The following EXD3 variants were observed in gnomAD, a reference collection of about 807,000 sequenced individuals.
EXD3 encodes exonuclease 3'-5' domain containing 3.
A neutral mutation model predicts 98.0 loss-of-function variants in EXD3; 92 were observed. That is an observed-to-expected ratio of 0.94 (90% confidence interval 0.79 to 1.12). EXD3 has a LOEUF of 1.12. EXD3 is among the 50% of genes most tolerant of loss of function. The pLI is 0.00. For synonymous variants in EXD3, 569 were observed against 526.0 expected, an observed-to-expected ratio of 1.08 and a Z score of -1.12; for missense variants, 1,222 against 1,191.6, an observed-to-expected ratio of 1.03 and a Z score of -0.38.
At chr9:137,352,529 T>G in intron 11 of EXD3, 91 bp downstream of exon 11, 1 of 1,252,204 alleles carries the variant, frequency 8.0e-7, no homozygotes, top group Non-Finnish European at 1.1e-6. Context: ...CTCAAGCCAC[T>G]GGCGTGAAGA....
intron 1 of EXD3, among the ~76,000 whole-genome samples, chr9:137,399,132 TG>T (rs572051023): frequency 3.3e-5 from 5 of 152,256 alleles, no homozygotes; most frequent in African/African-American, 4.8e-5. Context: ...TGCGTGGCTG[TG>T]GGGCAGGGGT....
intron 17 of EXD3, among the ~76,000 whole-genome samples, chr9:137,330,403 G>A (rs1165065476): frequency 1.1e-5 from 1 of 91,620 alleles, no homozygotes; most frequent in African/African-American, 4.0e-5. Flanking sequence ...AGCTACACAG[G>A]GCTCCACAGG....
chr9:137,330,453 GGAGCTACACA>G, intron 17 of EXD3, among the ~76,000 whole-genome samples: 2 of 144,732 alleles, frequency 1.4e-5, no homozygotes, highest in African/African-American at 5.3e-5. Context: ...GGACTACACA[GGAGCTACACA>G]GGACTACAAA....
Position 137,395,442 on chromosome 9 carries a change from T to C in EXD3, c.-47-38A>G. The C allele has an allele frequency of 6.3e-7, 1 of 1,592,718 alleles. No individual in the cohort carries two copies. Among genetic ancestry groups the C allele is most frequent in the Non-Finnish European group, 8.6e-7 (1 of 1,164,450 alleles). On this transcript the variant is annotated intron_variant, in intron 1 of 21. Transcript: ENST00000340951. This position sits in a 1 kb window ranked among gnomAD's most constrained non-coding sequence, Gnocchi z 6.5. Reference sequence around the variant, plus strand: ...ACAATCAGGTGAATGCAGAGCCCACTGCAACAGGCAGCCATGCAGAGCCCA... The same window carrying C: ...ACAATCAGGTGAATGCAGAGCCCACCGCAACAGGCAGCCATGCAGAGCCCA...
At chr9:137,313,176 TG>T (rs1375605480) in intron 19 of EXD3, among the ~76,000 whole-genome samples, 5 of 152,108 alleles carry the variant, frequency 3.3e-5, no homozygotes, top group Non-Finnish European at 5.9e-5. Context: ...ACACGAGCCC[TG>T]GGACCTGCCA....
intron 17 of EXD3, among the ~76,000 whole-genome samples, chr9:137,344,170 T>C (rs528973483): frequency 3.5e-4 from 54 of 152,134 alleles, no homozygotes; most frequent in South Asian, 1.0e-3. Flanking sequence ...GGATTACAGG[T>C]GTGAGCCACT....
At position 137,353,143 on chromosome 9, in the gene EXD3, CCCT is replaced by C. The variant is rs1230497735; in HGVS notation, c.871-360_871-358del. 19 of 984,582 alleles carry C rather than the reference CCCT, an allele frequency of 1.9e-5. No individual in the cohort carries two copies. In the African/African-American group the frequency reaches 3.3e-4, roughly 17 times the overall value. 61.0% of individuals were successfully genotyped at this position (984,582 alleles called of 1,614,324 possible). A position where few individuals can be genotyped will look rare whatever the true frequency, so the allele number is the denominator to read the frequency against. ...TTCCCGGCCTCCAAGCCTCCACCGGCCCTCCTGGCCTCCAAGCCTCTGCTGACC... is the reference window on the plus strand; with the variant it reads ...TTCCCGGCCTCCAAGCCTCCACCGGCCCTGGCCTCCAAGCCTCTGCTGACC... On this transcript the variant is annotated intron_variant, in intron 10 of 21. Coordinates refer to ENST00000340951, the MANE Select transcript of EXD3 (RefSeq NM_017820.5).
chr9:137,330,349 G>C lies in EXD3; in HGVS notation c.1999-6206C>G, dbSNP rs958607797. Among the ~76,000 whole-genome samples, 12 of 144,712 alleles carry C rather than the reference G, an allele frequency of 8.3e-5. No homozygotes were observed. The South Asian group carries it at 2.8e-3, about 33-fold the overall frequency. 94.9% of individuals were successfully genotyped at this position (144,712 alleles called of 152,430 possible). A position where few individuals can be genotyped will look rare whatever the true frequency, so the allele number is the denominator to read the frequency against. On this transcript the variant is annotated intron_variant, in intron 17 of 21. Coordinates refer to ENST00000340951, the MANE Select transcript of EXD3 (RefSeq NM_017820.5). ...ACACGGGACTACACAGGACTACACA[G>C]GACTACACAGGAGCTACACAGGAGC...
chr9:137,394,506 C>CCTCCCAGCCTCCGCTTCCCTAACCCT (rs1837106475), intron 2 of EXD3, among the ~76,000 whole-genome samples: 2 of 94,556 alleles, frequency 2.1e-5, no homozygotes, highest in Non-Finnish European at 2.2e-5. Flanking sequence ...TCCCTAACCC[C>CCTCCCAGCCTCCGCTTCCCTAACCCT]GGCCTCCCAG....
rs984492016 is a variant in EXD3, at chr9:137,395,625, G to A, written c.-47-221C>T. On this transcript the variant is annotated intron_variant, in intron 1 of 21. Coordinates refer to ENST00000340951, the MANE Select transcript of EXD3 (RefSeq NM_017820.5). The surrounding 1 kb of genome is among the most constrained non-coding windows in gnomAD (Gnocchi z 6.5). ...CTGCATTCCAGTTCCCTGCCAAACC[G>A]TCCCAGCTTTCAGCAGGGAGGGCAG... Among the ~76,000 whole-genome samples the A allele has an allele frequency of 5.3e-5, 8 of 151,864 alleles. No individual in the cohort carries two copies. The highest frequency in any genetic ancestry group is 1.5e-4 in the African/African-American group (6 of 41,370).
intron 3 of EXD3, 140 bp from the exon 4 acceptor site, chr9:137,373,739 C>A: frequency 1.1e-6 from 1 of 951,614 alleles, no homozygotes; most frequent in Non-Finnish European, 1.5e-6. Context: ...TCTGCGCCTC[C>A]GTGACTTTTC....
chr9:137,311,102 G>A (rs1020262551), intron 19 of EXD3, among the ~76,000 whole-genome samples: 1 of 152,182 alleles, frequency 6.6e-6, no homozygotes, highest in Non-Finnish European at 1.5e-5. Flanking sequence ...GCCCCCACCA[G>A]TTCAGGGCCC....
intron 1 of EXD3, among the ~76,000 whole-genome samples, chr9:137,421,717 A>G (rs1159582915): frequency 6.6e-6 from 1 of 152,194 alleles, no homozygotes; most frequent in Admixed American, 6.5e-5. Flanking sequence ...AAACACCTGT[A>G]TTCCCAGGTA....
intron 1 of EXD3, among the ~76,000 whole-genome samples, chr9:137,397,850 G>A (rs1241689148): frequency 6.6e-6 from 1 of 152,176 alleles, no homozygotes; most frequent in African/African-American, 2.4e-5. Flanking sequence ...AGCGGAGGCA[G>A]AAGAGTCGCT....
At position 137,351,103 on chromosome 9, in the gene EXD3, G is replaced by T; in HGVS notation, c.1429C>A (p.Pro477Thr). Residue 477 changes from proline to threonine, a missense_variant, in exon 14 of 22, where the codon CCC (proline) becomes ACC (threonine). Physicochemically the swap from Pro to Thr is conservative, Grantham distance 38 (BLOSUM62 -1). Transcript: ENST00000340951. ...TGCTTCTCCACATGGGCCAGGGCGG[G>T]GCAGGACGTGCCCAGTTTTTGCAGG... ...GDLQKLGTSC[P>T]ALAHVEKQIL... is the part of the protein sequence containing the mutation. 6.3e-7 allele frequency: 1 copy of T among 1,584,554 alleles called. No homozygotes were observed. Among genetic ancestry groups the T allele is most frequent in the South Asian group, 1.2e-5 (1 of 86,692 alleles).
rs1564472474 is a variant in EXD3 at position 137,324,266 on chromosome 9, C to T, written c.1999-123G>A. On this transcript the variant is annotated intron_variant, in intron 17 of 21. Coordinates refer to ENST00000340951, the MANE Select transcript of EXD3 (RefSeq NM_017820.5). This position sits in a 1 kb window ranked among gnomAD's most constrained non-coding sequence, Gnocchi z 4.1. ...CCTGCCCCAGGCCCCTTTTGTCCTC[C>T]AGGGTGGCCTCTGCCTGGGGTCTTG... 5 of 809,556 alleles carry T rather than the reference C, an allele frequency of 6.2e-6. No homozygotes were observed. The highest frequency in any genetic ancestry group is 9.9e-6 in the Non-Finnish European group (5 of 504,494). 50.1% of individuals were successfully genotyped at this position (809,556 alleles called of 1,614,324 possible). A position where few individuals can be genotyped will look rare whatever the true frequency, so the allele number is the denominator to read the frequency against.
chr9:137,354,801 A>C (rs11537108), intron 8 of EXD3, 28 bp from the exon 9 acceptor site: 1,319,441 of 1,597,008 alleles, frequency 0.83, 545,864 homozygotes, highest in South Asian at 0.9. Flanking sequence ...CTCAGCACTG[A>C]GGGCTCAGGG....
chr9:137,373,295 C>G, intron 4 of EXD3, 131 bp downstream of exon 4: 2 of 1,230,444 alleles, frequency 1.6e-6, no homozygotes, highest in Non-Finnish European at 2.3e-6. Flanking sequence ...GGCCATAGCC[C>G]CCAGCATCCC....
intron 16 of EXD3, 102 bp from the exon 17 acceptor site, chr9:137,348,340 G>A: frequency 7.9e-7 from 1 of 1,270,268 alleles, no homozygotes; most frequent in South Asian, 1.5e-5. Context: ...CTCTGTCTCT[G>A]TTTTATCTTC....
Sources: allele counts gnomAD v4.1 joint callset (sites outside exome capture counted in the v4.1 genomes callset), GRCh38; gene constraint gnomAD v4.1.1; non-coding constraint Gnocchi (gnomAD v3.1); transcripts MANE v1.5; gene names NCBI Gene and HGNC (gene_info 2026-07-23, HGNC 2026-07-21).